Variants in TAFA2 observed in about 807,000 individuals in gnomAD.
TAFA2 encodes chemokine-like protein TAFA-2.
TAFA2 carries 7 observed loss-of-function variants against 18.8 expected under a neutral mutation model. That is an observed-to-expected ratio of 0.37 (90% CI 0.21 to 0.70). The LOEUF is 0.70. Ranked by LOEUF, TAFA2 falls within the 30% of genes least tolerant of loss-of-function variation. TAFA2 has a pLI of 0.53. For missense variants in TAFA2, 122 were observed against 158.1 expected (o/e 0.77, Z 1.23); for synonymous variants, 60 against 54.2 (o/e 1.11, Z -0.47).
chr12:62,189,974 G>GTC (rs1382954100), intron 1 of TAFA2, among the ~76,000 whole-genome samples: 1 of 151,732 alleles, frequency 6.6e-6, no homozygotes, highest in Non-Finnish European at 1.5e-5. Flanking sequence ...GTGTGTGTGT[G>GTC]TGTGTCTGTG....
At chr12:61,863,075 C>G (rs1874194051) in intron 2 of TAFA2, among the ~76,000 whole-genome samples, 1 of 152,108 alleles carries the variant, frequency 6.6e-6, no homozygotes, top group Non-Finnish European at 1.5e-5. Context: ...ACTGAAATGA[C>G]CAATTTACTA....
intron 1 of TAFA2, among the ~76,000 whole-genome samples, chr12:62,048,742 T>G (rs554353836): frequency 1.4e-4 from 21 of 152,290 alleles, no homozygotes; most frequent in Non-Finnish European, 2.2e-4. Flanking sequence ...GTTAATAGAT[T>G]AATAAAATGG....
intron 2 of TAFA2, among the ~76,000 whole-genome samples, chr12:61,762,323 C>T (rs1869588677): frequency 6.6e-6 from 1 of 151,968 alleles, no homozygotes; most frequent in African/African-American, 2.4e-5. Context: ...ACACATAGTG[C>T]TTGATAACCT....
intron 1 of TAFA2, among the ~76,000 whole-genome samples, chr12:61,974,148 A>C (rs1297620964): frequency 6.6e-6 from 1 of 151,772 alleles, no homozygotes; most frequent in Admixed American, 6.6e-5. Flanking sequence ...ACCTGTTGTC[A>C]TTTAGAGAGG....
chr12:61,978,337 T>C (rs1298895384), intron 1 of TAFA2, among the ~76,000 whole-genome samples: 4 of 152,100 alleles, frequency 2.6e-5, no homozygotes, highest in Non-Finnish European at 5.9e-5. Context: ...TTGATATTCT[T>C]ATCAGACTTC....
At chr12:62,160,624 T>G (rs1029417920) in intron 1 of TAFA2, among the ~76,000 whole-genome samples, 1 of 152,194 alleles carries the variant, frequency 6.6e-6, no homozygotes, top group Admixed American at 6.5e-5. Flanking sequence ...ATGTCATAAC[T>G]TCAGCATATG....
chr12:62,092,524 T>G (rs936685391), intron 1 of TAFA2, among the ~76,000 whole-genome samples: 3 of 151,980 alleles, frequency 2.0e-5, no homozygotes, highest in Admixed American at 6.6e-5. Context: ...TAATCTAAAT[T>G]CTTTGAAATG....
chr12:62,002,009 C>A (rs1444211054), intron 1 of TAFA2, among the ~76,000 whole-genome samples: 1 of 152,132 alleles, frequency 6.6e-6, no homozygotes, highest in Non-Finnish European at 1.5e-5. Flanking sequence ...TGATCACCAA[C>A]CTGGAGGACC....
At chr12:62,041,643 G>T (rs1298224015) in intron 1 of TAFA2, among the ~76,000 whole-genome samples, 1 of 152,112 alleles carries the variant, frequency 6.6e-6, no homozygotes, top group African/African-American at 2.4e-5. Flanking sequence ...GGCAGAATTT[G>T]GAAGTAACTA....
At chr12:61,733,196 T>G (rs979846072) in intron 4 of TAFA2, among the ~76,000 whole-genome samples, 3 of 152,132 alleles carry the variant, frequency 2.0e-5, no homozygotes, top group South Asian at 2.1e-4. Context: ...GAGTAGGTTG[T>G]GAAAATTTTC....
intron 1 of TAFA2, among the ~76,000 whole-genome samples, chr12:61,921,395 T>C (rs1877047562): frequency 6.6e-6 from 1 of 152,146 alleles, no homozygotes; most frequent in African/African-American, 2.4e-5. Context: ...CCCTGATAGA[T>C]TGAATTCTGT....
At chr12:61,887,372 T>C (rs1411089579) in intron 1 of TAFA2, among the ~76,000 whole-genome samples, 2 of 152,098 alleles carry the variant, frequency 1.3e-5, no homozygotes, top group Non-Finnish European at 2.9e-5. Context: ...CAAAATTAGT[T>C]AAGACAGATA....
At chr12:61,920,757 AT>A (rs1877017106) in intron 1 of TAFA2, among the ~76,000 whole-genome samples, 1 of 152,028 alleles carries the variant, frequency 6.6e-6, no homozygotes, top group African/African-American at 2.4e-5. Context: ...GGAAAAAAAA[AT>A]TCCTCCCCTA....
chr12:61,748,501 G>A (rs1592363101), intron 4 of TAFA2, among the ~76,000 whole-genome samples: 3 of 152,024 alleles, frequency 2.0e-5, no homozygotes, highest in Non-Finnish European at 4.4e-5. Context: ...GAATTTACAC[G>A]AATTGCACCA....
At chr12:61,838,892 T>C (rs1873049685) in intron 2 of TAFA2, among the ~76,000 whole-genome samples, 1 of 152,052 alleles carries the variant, frequency 6.6e-6, no homozygotes, top group African/African-American at 2.4e-5. Flanking sequence ...TGCTGGCATC[T>C]AATTGGTTGA....
chr12:62,030,215 C>T (rs1881420093), intron 1 of TAFA2, among the ~76,000 whole-genome samples: 1 of 152,032 alleles, frequency 6.6e-6, no homozygotes, highest in East Asian at 1.9e-4. Flanking sequence ...GAGATGAAGA[C>T]GGGGTTGCCA....
At chr12:62,176,140 A>C (rs996775020) in intron 1 of TAFA2, among the ~76,000 whole-genome samples, 1 of 152,204 alleles carries the variant, frequency 6.6e-6, no homozygotes, top group African/African-American at 2.4e-5. Context: ...TCATATTATT[A>C]GAAAAAATCT....
intron 1 of TAFA2, among the ~76,000 whole-genome samples, chr12:61,933,726 A>C (rs1877656147): frequency 6.6e-6 from 1 of 152,184 alleles, no homozygotes; most frequent in Non-Finnish European, 1.5e-5. Flanking sequence ...CTGTCTCTTT[A>C]TATATCTAAG....
chr12:62,098,484 T>A (rs939215272), intron 1 of TAFA2, among the ~76,000 whole-genome samples: 2 of 151,672 alleles, frequency 1.3e-5, no homozygotes, highest in Admixed American at 6.6e-5. Context: ...GACAAAAGTA[T>A]CAAAAAATAG....
Sources: gnomAD v4.1 joint callset for allele counts (sites outside exome capture counted in the v4.1 genomes callset) on GRCh38, gnomAD v4.1.1 for gene constraint, MANE v1.5 for transcripts, NCBI Gene and HGNC (gene_info 2026-07-23, HGNC 2026-07-21) for gene names.